Variants in ITSN1 observed in about 807,000 individuals in gnomAD.
ITSN1 encodes intersectin-1.
ITSN1 carries 58 observed loss-of-function variants against 239.8 expected under a neutral mutation model. The observed-to-expected ratio is 0.24, with a 90% CI of 0.20 to 0.30. ITSN1 has a LOEUF of 0.30. Among genes scored for constraint, ITSN1 ranks in the 10% least tolerant of loss-of-function variants. The pLI is 1.00. For missense variants in ITSN1, 1,558 were observed against 2,103.3 expected (o/e 0.74, Z 5.07); for synonymous variants, 780 against 770.8 (o/e 1.01, Z -0.20).
chr21:33,834,647 TG>T (rs1370132283), intron 28 of ITSN1, among the ~76,000 whole-genome samples: 4 of 152,250 alleles, frequency 2.6e-5, no homozygotes, highest in Non-Finnish European at 5.9e-5. Flanking sequence ...GAACCCTTGT[TG>T]GAATGCTCTT....
chr21:33,775,119 A>G lies in ITSN1; in HGVS notation c.1596+11A>G. The G allele has an allele frequency of 6.2e-7, 1 of 1,602,606 alleles. No homozygotes were observed. Among genetic ancestry groups the G allele is most frequent in the Non-Finnish European group, 8.5e-7 (1 of 1,176,690 alleles). ...CAGCAACAATTACAGGTGAGGAAAT[A>G]TGCCTCTTAAAAGCTATTATATTAA... is the stretch of plus-strand genomic sequence containing the variant. On this transcript the variant is annotated intron_variant, in intron 14 of 39. Coordinates refer to ENST00000381318, the MANE Select transcript of ITSN1 (RefSeq NM_003024.3).
chr21:33,658,682 T>G (rs1433293764), intron 1 of ITSN1, among the ~76,000 whole-genome samples: 1 of 152,194 alleles, frequency 6.6e-6, no homozygotes, highest in Non-Finnish European at 1.5e-5. Flanking sequence ...AGAGCATTGC[T>G]CACCTGCCAC....
chr21:33,671,484 C>T (rs1475636493), intron 1 of ITSN1, among the ~76,000 whole-genome samples: 1 of 151,920 alleles, frequency 6.6e-6, no homozygotes, highest in Non-Finnish European at 1.5e-5. Context: ...CGGGTTTCAC[C>T]GCGTTGGTCA....
At chr21:33,811,562 CAG>C (rs1204753024) in intron 21 of ITSN1, among the ~76,000 whole-genome samples, 1 of 152,198 alleles carries the variant, frequency 6.6e-6, no homozygotes, top group Admixed American at 6.5e-5. Context: ...AGCAAATTTT[CAG>C]AGTTATTTCC....
intron 1 of ITSN1, among the ~76,000 whole-genome samples, chr21:33,655,672 A>C (rs752353177): frequency 1.4e-5 from 2 of 147,998 alleles, no homozygotes; most frequent in Admixed American, 1.4e-4. Flanking sequence ...ACCCAAAGTG[A>C]TCTGCCTGCT....
chr21:33,687,398 TAAAAAAAAAAAAA>T (rs58230508), intron 1 of ITSN1, among the ~76,000 whole-genome samples: 1 of 81,344 alleles, frequency 1.2e-5, no homozygotes, highest in Non-Finnish European at 2.2e-5. Context: ...AACTCCATCT[TAAAAAAAAAAAAA>T]AAAAAAAAAA....
intron 16 of ITSN1, among the ~76,000 whole-genome samples, chr21:33,784,310 A>AACACACACACACACACACACACACACAC (rs58496273): frequency 1.1e-4 from 15 of 134,108 alleles, no homozygotes; most frequent in Admixed American, 6.3e-4. Flanking sequence ...GTCTCTACAA[A>AACACACACACACACACACACACACACAC]ACACACACAC....
intron 22 of ITSN1, among the ~76,000 whole-genome samples, chr21:33,816,465 A>G (rs916927512): frequency 6.6e-6 from 1 of 152,318 alleles, no homozygotes; most frequent in South Asian, 2.1e-4. Flanking sequence ...TACTTTACAG[A>G]TGTGGAAATC....
intron 39 of ITSN1, 39 bp downstream of exon 39, chr21:33,886,499 T>A: frequency 6.7e-7 from 1 of 1,483,952 alleles, no homozygotes; most frequent in Non-Finnish European, 9.0e-7. Flanking sequence ...CCTCCTTCCC[T>A]GGCACTCGTT....
intron 7 of ITSN1, among the ~76,000 whole-genome samples, chr21:33,753,438 A>G (rs576294150): frequency 3.9e-5 from 6 of 152,044 alleles, no homozygotes; most frequent in Non-Finnish European, 7.4e-5. Flanking sequence ...AGTTAAACCT[A>G]TATCATCTTA....
At chr21:33,866,497 T>C (rs1477282089) in intron 32 of ITSN1, among the ~76,000 whole-genome samples, 1 of 96,286 alleles carries the variant, frequency 1.0e-5, no homozygotes, top group Non-Finnish European at 2.7e-5. Flanking sequence ...TCCCCGCCCC[T>C]CTCCTCTTCA....
chr21:33,831,935 C>T (rs1372049121), intron 27 of ITSN1, among the ~76,000 whole-genome samples: 2 of 152,126 alleles, frequency 1.3e-5, no homozygotes, highest in Non-Finnish European at 2.9e-5. Context: ...CTTAGACCCT[C>T]GGGTCCCACT....
chr21:33,774,712 C>G lies in ITSN1; in HGVS notation c.1306-17C>G. 6.2e-7 allele frequency: 1 copy of G among 1,602,798 alleles called. No individual in the cohort carries two copies. The highest frequency in any genetic ancestry group is 8.5e-7 in the Non-Finnish European group (1 of 1,176,770). On this transcript the variant is annotated splice_polypyrimidine_tract_variant and intron_variant, in intron 12 of 39. Coordinates refer to ENST00000381318, the MANE Select transcript of ITSN1 (RefSeq NM_003024.3). Reference sequence around the variant, plus strand: ...AAGAACTGAAAAATTAGTAATTTGTCTCTGTAAATGTCACAGGCTGCAAAA... The same window carrying G: ...AAGAACTGAAAAATTAGTAATTTGTGTCTGTAAATGTCACAGGCTGCAAAA...
intron 8 of ITSN1, 146 bp from the exon 9 acceptor site, chr21:33,761,777 A>G: frequency 1.7e-6 from 1 of 602,936 alleles, no homozygotes; most frequent in East Asian, 2.6e-5. Context: ...CCTTTTTACA[A>G]AGCCCCTGCG....
At chr21:33,736,922 C>T (rs2066538646) in intron 5 of ITSN1, among the ~76,000 whole-genome samples, 1 of 152,160 alleles carries the variant, frequency 6.6e-6, no homozygotes, top group Admixed American at 6.5e-5. Context: ...GAGGTCAAGC[C>T]TGCAGTGAGC....
chr21:33,678,737 C>G (rs1232090812), intron 1 of ITSN1, among the ~76,000 whole-genome samples: 1 of 151,994 alleles, frequency 6.6e-6, no homozygotes, highest in African/African-American at 2.4e-5. Context: ...GTGGGGGATC[C>G]GAGTCTCGCT....
chr21:33,808,915 C>T (rs1201436478), intron 20 of ITSN1, among the ~76,000 whole-genome samples: 1 of 152,178 alleles, frequency 6.6e-6, no homozygotes, highest in Non-Finnish European at 1.5e-5. Flanking sequence ...GGTGGCTGAT[C>T]TTGACTATTG....
At chr21:33,708,236 T>C (rs372479894) in intron 1 of ITSN1, among the ~76,000 whole-genome samples, 3 of 152,370 alleles carry the variant, frequency 2.0e-5, no homozygotes, top group East Asian at 3.9e-4. Context: ...AAGAGTTCTT[T>C]AGATATTGTG....
At position 33,899,741 on chromosome 21, in the gene ITSN1, C is replaced by T. The variant is rs2148601497; in HGVS notation, c.*11441C>T. On this transcript the variant is annotated 3_prime_UTR_variant, in exon 40 of 40. Transcript: ENST00000381318. Reference sequence around the variant, plus strand: ...AGTACAAATTGCTCTTCCTGTGTATCTTGAACCTAAAAAGAACAATCTCTT... The same window carrying T: ...AGTACAAATTGCTCTTCCTGTGTATTTTGAACCTAAAAAGAACAATCTCTT... 6.6e-6 allele frequency: 1 copy of T among 152,188 alleles called. No individual in the cohort carries two copies. The highest frequency in any genetic ancestry group is 3.4e-3 in the Middle Eastern group (1 of 294). The allele number at this position is 152,188 out of a possible 1,614,324, so 9.4% of individuals were successfully genotyped here. A position where few individuals can be genotyped will look rare whatever the true frequency, so the allele number is the denominator to read the frequency against.
Sources: allele counts gnomAD v4.1 joint callset (sites outside exome capture counted in the v4.1 genomes callset), GRCh38; gene constraint gnomAD v4.1.1; transcripts MANE v1.5; gene names NCBI Gene and HGNC (gene_info 2026-07-23, HGNC 2026-07-21).